Variants in CELF2 observed in about 807,000 individuals in gnomAD.
CELF2 encodes the protein CUGBP Elav-like family member 2, also known as CUG triplet repeat RNA-binding protein 2.
A neutral mutation model predicts 62.6 loss-of-function variants in CELF2; 8 were observed. That is an observed-to-expected ratio of 0.13 (90% CI 0.07 to 0.23). The LOEUF is 0.23. Ranked by LOEUF, CELF2 falls within the 10% of genes least tolerant of loss-of-function variation. The pLI is 1.00. For missense variants in CELF2, 333 were observed against 671.0 expected (o/e 0.50, Z 5.56); for synonymous variants, 258 against 250.0 (o/e 1.03, Z -0.30).
chr10:11,297,346 G>A lies in CELF2; in HGVS notation c.976+8794G>A, dbSNP rs890578672. ...GAGACTGACCTGCAGAGGCCAGGCG[G>A]GCTGCCCTAAGCCCGGGGAGGGGTG... On this transcript the variant is annotated intron_variant, in intron 9 of 12. Coordinates refer to ENST00000633077, the MANE Select transcript of CELF2 (RefSeq NM_001326342.2). This position sits in a 1 kb window ranked among gnomAD's most constrained non-coding sequence, Gnocchi z 4.4. Among the ~76,000 whole-genome samples, 4 of 152,274 alleles carry A rather than the reference G, an allele frequency of 2.6e-5. No homozygotes were observed. In the South Asian group the frequency reaches 8.3e-4, roughly 32 times the overall value.
intron 1 of CELF2, among the ~76,000 whole-genome samples, chr10:10,877,545 G>C (rs925055998): frequency 6.6e-6 from 1 of 152,214 alleles, no homozygotes; most frequent in African/African-American, 2.4e-5. Flanking sequence ...GCAGGGGAGT[G>C]ACTTTGAATA....
the CELF2 span, among the ~76,000 whole-genome samples, chr10:10,604,041 C>G: frequency 6.6e-6 from 1 of 152,188 alleles, no homozygotes; most frequent in East Asian, 1.9e-4. Context: ...AAAACCCATT[C>G]TCTACTAATA....
At chr10:10,652,025 A>G in the CELF2 span, among the ~76,000 whole-genome samples, 18 of 150,574 alleles carry the variant, frequency 1.2e-4, 1 homozygote, top group Admixed American at 1.2e-3. Flanking sequence ...AGAAGTGCTT[A>G]AAGGAGCTGA....
chr10:10,540,265 A>G, the CELF2 span, among the ~76,000 whole-genome samples: 1 of 152,172 alleles, frequency 6.6e-6, no homozygotes. Context: ...CTCACAGACT[A>G]AAAACCCAAG....
At chr10:10,800,043 T>C (rs2054502251) in intron 1 of CELF2, among the ~76,000 whole-genome samples, 1 of 143,578 alleles carries the variant, frequency 7.0e-6, no homozygotes, top group Admixed American at 7.2e-5. Flanking sequence ...TTGTGTTGTA[T>C]TAATTTGCTA....
the CELF2 span, among the ~76,000 whole-genome samples, chr10:10,587,823 G>A: frequency 6.6e-6 from 1 of 152,096 alleles, no homozygotes; most frequent in Non-Finnish European, 1.5e-5. Flanking sequence ...GAGGAGAAAT[G>A]AGGGCTTGAC....
the CELF2 span, among the ~76,000 whole-genome samples, chr10:10,471,556 G>A: frequency 6.6e-6 from 1 of 151,424 alleles, no homozygotes. Flanking sequence ...AATGTACTCA[G>A]AGTTAATGCC....
chr10:10,468,664 C>G, the CELF2 span, among the ~76,000 whole-genome samples: 1 of 151,912 alleles, frequency 6.6e-6, no homozygotes. Flanking sequence ...TCAACTAGGG[C>G]GTGAACAAGA....
the CELF2 span, among the ~76,000 whole-genome samples, chr10:10,721,349 GA>G: frequency 2.6e-5 from 4 of 152,154 alleles, no homozygotes; most frequent in Non-Finnish European, 5.9e-5. Context: ...AATCTACACG[GA>G]GATACACTTG....
the CELF2 span, among the ~76,000 whole-genome samples, chr10:10,486,404 A>G: frequency 6.6e-6 from 1 of 152,218 alleles, no homozygotes; most frequent in Non-Finnish European, 1.5e-5. Context: ...CAGAGCTCAA[A>G]TGAGTCTTCT....
the CELF2 span, among the ~76,000 whole-genome samples, chr10:10,732,520 CTT>C: frequency 4.4e-3 from 486 of 110,384 alleles, 1 homozygote; most frequent in African/African-American, 5.6e-3. Context: ...ACTCACTCTC[CTT>C]TTTTTTTTTT....
At chr10:11,276,347 T>C (rs2086121541) in intron 8 of CELF2, among the ~76,000 whole-genome samples, 1 of 152,226 alleles carries the variant, frequency 6.6e-6, no homozygotes, top group Non-Finnish European at 1.5e-5. Context: ...GCCACCTGGT[T>C]CCGTTGTAAC....
intron 2 of CELF2, among the ~76,000 whole-genome samples, chr10:11,203,752 T>C (rs558072133): frequency 1.3e-5 from 2 of 152,332 alleles, no homozygotes; most frequent in South Asian, 4.1e-4. Context: ...GTCACTTTCT[T>C]CCCAGCCATC....
At chr10:11,139,945 T>A (rs894219805) in intron 1 of CELF2, among the ~76,000 whole-genome samples, 1 of 152,100 alleles carries the variant, frequency 6.6e-6, no homozygotes, top group African/African-American at 2.4e-5. Flanking sequence ...ACTGTTAATA[T>A]GGTAGAGTAA....
At chr10:10,728,992 A>T in the CELF2 span, among the ~76,000 whole-genome samples, 2 of 152,260 alleles carry the variant, frequency 1.3e-5, no homozygotes, top group Admixed American at 1.3e-4. Flanking sequence ...ATTATAGAAC[A>T]TGTCGACAAA....
At chr10:10,520,711 A>C in the CELF2 span, among the ~76,000 whole-genome samples, 1 of 152,152 alleles carries the variant, frequency 6.6e-6, no homozygotes, top group Admixed American at 6.6e-5. Flanking sequence ...TATTTCACAA[A>C]TACATTAGGA....
intron 1 of CELF2, among the ~76,000 whole-genome samples, chr10:10,830,964 C>A (rs766402491): frequency 6.6e-6 from 1 of 152,188 alleles, no homozygotes; most frequent in African/African-American, 2.4e-5. Flanking sequence ...TTTCTGATTA[C>A]TTCAGCCTTG....
the CELF2 span, among the ~76,000 whole-genome samples, chr10:10,769,149 T>C: frequency 6.6e-6 from 1 of 152,204 alleles, no homozygotes; most frequent in African/African-American, 2.4e-5. Flanking sequence ...GAGCTTGGTA[T>C]TGTGCTACAG....
chr10:10,822,935 C>A (rs1278517793), intron 1 of CELF2, among the ~76,000 whole-genome samples: 1 of 152,076 alleles, frequency 6.6e-6, no homozygotes, highest in East Asian at 1.9e-4. Flanking sequence ...CTGTACAGAT[C>A]TAAAATTTTC....
Sources: allele counts gnomAD v4.1 joint callset (sites outside exome capture counted in the v4.1 genomes callset), GRCh38; gene constraint gnomAD v4.1.1; non-coding constraint Gnocchi (gnomAD v3.1); transcripts MANE v1.5; gene names NCBI Gene and HGNC (gene_info 2026-07-23, HGNC 2026-07-21).